ZNF69: variants seen among roughly 807,000 people sequenced by gnomAD.
The protein encoded by ZNF69 is zinc finger protein 69.
In ZNF69, 47 loss-of-function variants were observed where a neutral mutation model predicts 50.9. The observed-to-expected ratio is 0.92, with a 90% confidence interval of 0.73 to 1.18. The LOEUF (loss-of-function observed/expected upper bound fraction) is 1.18, where lower values mean the gene tolerates loss of function less well. ZNF69 is among the 50% of genes most tolerant of loss of function. The pLI is 0.00. For synonymous variants in ZNF69, 216 were observed against 223.1 expected (o/e 0.97, Z 0.29); for missense variants, 717 against 675.1 (o/e 1.06, Z -0.69).
At chr19:11,974,069 T>C in the ZNF69 span, among the ~76,000 whole-genome samples, 3 of 114,776 alleles carry the variant, frequency 2.6e-5, no homozygotes, top group Non-Finnish European at 3.7e-5. Flanking sequence ...TCCTTCTTTC[T>C]TTTCTTTCTT....
Position 11,906,338 on chromosome 19 carries a change from G to A in ZNF69, c.*240G>A. ...TTTGAAGAGAGTAGCAGTCCTCCCA[G>A]CATGGAGTTTGAGATCTAAGAATGG... On this transcript the variant is annotated 3_prime_UTR_variant, in exon 4 of 4. Transcript: ENST00000429654. 8.7e-7 allele frequency: 1 copy of A among 1,147,284 alleles called. No individual in the cohort carries two copies. The highest frequency in any genetic ancestry group is 1.1e-6 in the Non-Finnish European group (1 of 892,468). The allele number at this position is 1,147,284 out of a possible 1,614,324, so 71.1% of individuals were successfully genotyped here.
At chr19:11,898,273 T>C (rs279201) in intron 1 of ZNF69, among the ~76,000 whole-genome samples, 41,547 of 152,020 alleles carry the variant, frequency 0.27, 6,186 homozygotes, top group African/African-American at 0.35. Context: ...GTTAATTCAC[T>C]TTCTTATTTA....
At chr19:11,963,984 G>A in the ZNF69 span, among the ~76,000 whole-genome samples, 1 of 152,246 alleles carries the variant, frequency 6.6e-6, no homozygotes, top group African/African-American at 2.4e-5. Context: ...CATAAACATA[G>A]GAGGAGAGCA....
downstream of ZNF69, among the ~76,000 whole-genome samples, chr19:11,915,641 C>T (rs113008433): frequency 6.6e-5 from 10 of 152,262 alleles, no homozygotes; most frequent in African/African-American, 1.4e-4. Flanking sequence ...GGGTGGCTCA[C>T]GCCTGTAATC....
chr19:11,967,156 G>A, the ZNF69 span, among the ~76,000 whole-genome samples: 3 of 152,090 alleles, frequency 2.0e-5, no homozygotes, highest in African/African-American at 4.8e-5. Flanking sequence ...GCAACATAGC[G>A]AAACCTCTTC....
chr19:11,921,325 A>G, the ZNF69 span, among the ~76,000 whole-genome samples: 44 of 152,070 alleles, frequency 2.9e-4, no homozygotes, highest in Non-Finnish European at 7.4e-5. Context: ...ACATGCCACT[A>G]TGCCCGGCTG....
intron 1 of ZNF69, among the ~76,000 whole-genome samples, chr19:11,901,463 T>C (rs1288465419): frequency 6.6e-6 from 1 of 152,196 alleles, no homozygotes; most frequent in Non-Finnish European, 1.5e-5. Context: ...TCAGATGCCT[T>C]TTCTGCCTCT....
At chr19:11,950,225 G>GT in the ZNF69 span, 1 of 1,612,010 alleles carries the variant, frequency 6.2e-7, no homozygotes, top group South Asian at 1.1e-5. Flanking sequence ...CCATATGAAT[G>GT]TAAGGATTGT....
At chr19:11,940,517 G>C in the ZNF69 span, among the ~76,000 whole-genome samples, 1 of 152,082 alleles carries the variant, frequency 6.6e-6, no homozygotes, top group African/African-American at 2.4e-5. Context: ...CGTTCCTCCT[G>C]GTGGGCTCGT....
the ZNF69 span, among the ~76,000 whole-genome samples, chr19:11,932,448 A>C: frequency 1.3e-5 from 2 of 148,536 alleles, 1 homozygote; most frequent in Non-Finnish European, 2.9e-5. Flanking sequence ...TGTGCATTCT[A>C]GAAACTAACT....
chr19:11,902,218 G>A (rs1191712752), intron 1 of ZNF69, among the ~76,000 whole-genome samples: 1 of 151,992 alleles, frequency 6.6e-6, no homozygotes, highest in Non-Finnish European at 1.5e-5. Context: ...TGTCCCTCAG[G>A]TGATCTGCCC....
chr19:11,976,252 A>G, the ZNF69 span, among the ~76,000 whole-genome samples: 22 of 151,626 alleles, frequency 1.5e-4, no homozygotes, highest in Admixed American at 9.2e-4. Flanking sequence ...ATAGGACTCT[A>G]TTACGACAGG....
At chr19:11,892,638 G>T (rs554770015) in intron 1 of ZNF69, among the ~76,000 whole-genome samples, 1 of 152,140 alleles carries the variant, frequency 6.6e-6, no homozygotes, top group South Asian at 2.1e-4. Flanking sequence ...AGTGAAGAGG[G>T]AAAGGGTCTT....
the ZNF69 span, among the ~76,000 whole-genome samples, chr19:11,941,288 T>C: frequency 2.6e-5 from 4 of 152,246 alleles, no homozygotes; most frequent in Admixed American, 1.3e-4. Flanking sequence ...TCCCGCGCCA[T>C]GCGCCCGCAC....
At chr19:11,949,190 G>A in the ZNF69 span, 20 of 1,607,716 alleles carry the variant, frequency 1.2e-5, no homozygotes, top group African/African-American at 5.4e-5. Context: ...GGAGAGAAAC[G>A]CTATAAATGC....
In ZNF69 at chr19:11,905,165, C is replaced by G. The variant is rs200990845; in HGVS notation, c.768C>G (p.Ser256=). 138 of 1,613,942 alleles carry G rather than the reference C, an allele frequency of 8.6e-5. No homozygotes were observed. The highest frequency in any genetic ancestry group is 1.6e-4 in the Middle Eastern group (1 of 6,084). Residue 256 remains serine (S), a synonymous_variant, in exon 4 of 4, where the codon TCC becomes TCG. Transcript: ENST00000429654. ...KPYECKQCGK[S]FSYSATLRIH... ...ATGAATGTAAACAATGTGGTAAATC[C>G]TTTAGTTATTCTGCTACCCTTCGAA...
At chr19:11,892,942 C>G (rs181859663) in intron 1 of ZNF69, among the ~76,000 whole-genome samples, 1 of 152,290 alleles carries the variant, frequency 6.6e-6, no homozygotes, top group East Asian at 1.9e-4. Context: ...TCAAGTAATT[C>G]TCCTGCTTCA....
chr19:11,905,089 G>T lies in ZNF69; in HGVS notation c.692G>T (p.Cys231Phe). ...AAATTTTGTGGGAAAGCCTTCCATT[G>T]TCTCAGTTTATATCTTATCCATGAA... ...KCKFCGKAFH[C>F]LSLYLIHERI... The change falls in exon 4 of 4, where the codon TGT becomes TTT. Residue 231 changes from cysteine (C) to phenylalanine (F), a missense_variant. Cys to Phe is a radical substitution (Grantham distance 205). Coordinates refer to ENST00000429654, the MANE Select transcript of ZNF69 (RefSeq NM_001364730.1). The T allele has an allele frequency of 6.2e-7, 1 of 1,614,090 alleles. No individual in the cohort carries two copies. Among genetic ancestry groups the T allele is most frequent in the Non-Finnish European group, 8.5e-7 (1 of 1,180,024 alleles).
At chr19:11,978,031 G>A in the ZNF69 span, 1 of 1,512,678 alleles carries the variant, frequency 6.6e-7, no homozygotes, top group Non-Finnish European at 8.9e-7. Flanking sequence ...CACCTTGATG[G>A]ACCATGTTAA....
Sources: gnomAD v4.1 joint callset for allele counts (sites outside exome capture counted in the v4.1 genomes callset) on GRCh38, gnomAD v4.1.1 for gene constraint, MANE v1.5 for transcripts, NCBI Gene and HGNC (gene_info 2026-07-23, HGNC 2026-07-21) for gene names.